Variants in SRP54 observed in about 807,000 individuals in gnomAD.
The protein encoded by SRP54 is signal recognition particle 54, also known as signal recognition particle subunit SRP54.
Under a neutral mutation model 64.8 loss-of-function variants are expected in SRP54, and 10 were observed. The ratio of observed to expected loss-of-function variants is 0.15; its 90% confidence interval spans 0.10 to 0.26. The LOEUF is 0.26. SRP54 is among the 10% of genes least tolerant of loss of function. The pLI is 1.00. For missense variants in SRP54, 325 were observed against 613.7 expected, an observed-to-expected ratio of 0.53 and a Z score of 4.97; for synonymous variants, 193 against 185.6, an observed-to-expected ratio of 1.04 and a Z score of -0.32.
chr14:35,028,076 T>C lies in SRP54; in HGVS notation c.1328-12T>C. ...CTACGCTGACTCAAAATCTTTTTTT[T>C]TTTCCCCTCAGGTGGCGACATGTCT... On this transcript the variant is annotated splice_polypyrimidine_tract_variant and intron_variant, in intron 14 of 15. Transcript: ENST00000216774. 1.3e-6 allele frequency: 2 copies of C among 1,597,660 alleles called. No homozygotes were observed. The highest frequency in any genetic ancestry group is 2.3e-5 in the South Asian group (2 of 88,696).
chr14:34,985,645 A>C (rs2043883678), intron 1 of SRP54, among the ~76,000 whole-genome samples: 1 of 152,178 alleles, frequency 6.6e-6, no homozygotes, highest in Non-Finnish European at 1.5e-5. Flanking sequence ...GGTATAGAAC[A>C]GATTTCTCAT....
intron 1 of SRP54, among the ~76,000 whole-genome samples, chr14:34,989,762 C>G (rs1025902070): frequency 6.6e-6 from 1 of 151,852 alleles, no homozygotes; most frequent in Non-Finnish European, 1.5e-5. Flanking sequence ...CCATATAATA[C>G]AGAGAGAGAT....
chr14:35,002,376 AT>A (rs562897847), intron 4 of SRP54, among the ~76,000 whole-genome samples: 10 of 151,794 alleles, frequency 6.6e-5, no homozygotes, highest in African/African-American at 1.4e-4. Flanking sequence ...AACAAAAAAA[AT>A]TTTTTAGAGC....
chr14:35,025,503 C>A (rs1275212188), intron 14 of SRP54, among the ~76,000 whole-genome samples: 1 of 152,126 alleles, frequency 6.6e-6, no homozygotes, highest in Non-Finnish European at 1.5e-5. Flanking sequence ...CCATGTAGTC[C>A]TGACTGTTCT....
chr14:35,026,970 C>A (rs77780729), intron 14 of SRP54, among the ~76,000 whole-genome samples: 22,062 of 151,274 alleles, frequency 0.15, 2,006 homozygotes, highest in East Asian at 0.31. Flanking sequence ...AAAAAAACTT[C>A]TTAGATACAT....
At position 35,023,071 on chromosome 14, in the gene SRP54, C is replaced by T; in HGVS notation, c.1318C>T (p.Leu440Phe). 1 of 1,601,578 alleles carries T rather than the reference C, an allele frequency of 6.2e-7. No homozygotes were observed. Among genetic ancestry groups the T allele is most frequent in the South Asian group, 1.1e-5 (1 of 89,176 alleles). ...MVKKMGGIKG[L>F]FKGGDMSKNV... ...AAAAAAGATGGGAGGTATCAAAGGA[C>T]TTTTCAAAGGTAAGAAAAATAAGCT... Residue 440 changes from leucine to phenylalanine, a missense_variant, in exon 14 of 16, where the codon CTT (leucine) becomes TTT (phenylalanine). Physicochemically the swap from Leu to Phe is conservative, Grantham distance 22. Transcript: ENST00000216774.
chr14:34,988,578 A>AAAAT (rs1384552218), intron 1 of SRP54, among the ~76,000 whole-genome samples: 3 of 47,100 alleles, frequency 6.4e-5, no homozygotes, highest in East Asian at 4.8e-4. Context: ...AAAAAAAAAA[A>AAAAT]ATATATATAT....
In SRP54 at chr14:35,003,507, T is replaced by C. The variant is rs148770065; in HGVS notation, c.255+2487T>C. ...TTCTCTCCTCAGCCTCCAGAGAAGCTAGGACTACAGGCATGCACCACCATG... is the reference window on the plus strand; with the variant it reads ...TTCTCTCCTCAGCCTCCAGAGAAGCCAGGACTACAGGCATGCACCACCATG... On this transcript the variant is annotated intron_variant, in intron 4 of 15. Transcript: ENST00000216774. 2.1e-4 allele frequency among the ~76,000 whole-genome samples: 32 copies of C among 152,160 alleles called. No homozygotes were observed. The East Asian group carries it at 6.0e-3, about 28-fold the overall frequency.
At chr14:35,000,822 T>G in intron 3 of SRP54, 114 bp from the exon 4 acceptor site, 1 of 478,642 alleles carries the variant, frequency 2.1e-6, no homozygotes, top group Non-Finnish European at 3.7e-6. Flanking sequence ...ATTGGAAGAC[T>G]ATTAATATGA....
intron 1 of SRP54, among the ~76,000 whole-genome samples, chr14:34,988,804 C>T (rs1251097882): frequency 1.3e-5 from 2 of 151,536 alleles, no homozygotes; most frequent in Non-Finnish European, 2.9e-5. Flanking sequence ...CTCTTGCTAT[C>T]TGGGGGGGAT....
chr14:34,986,004 G>A (rs1011326974), intron 1 of SRP54, among the ~76,000 whole-genome samples: 7 of 151,374 alleles, frequency 4.6e-5, no homozygotes, highest in South Asian at 4.2e-4. Flanking sequence ...TTTGATTTTC[G>A]TTTTAATTTT....
intron 1 of SRP54, 31 bp from the exon 2 acceptor site, chr14:34,996,646 T>G (rs1246379899): frequency 9.1e-7 from 1 of 1,096,016 alleles, no homozygotes; most frequent in Non-Finnish European, 1.4e-6. Flanking sequence ...GTGAAATTGA[T>G]TATTCTCACT....
In SRP54 at chr14:35,008,033, G is replaced by A. The variant is rs562461960; in HGVS notation, c.361-594G>A. ...TGATTTTTGGAGAAGAGAACATGGA[G>A]TTTACTTTATCCTCTATGGCTCAGG... On this transcript the variant is annotated intron_variant, in intron 5 of 15. Coordinates refer to ENST00000216774, the MANE Select transcript of SRP54 (RefSeq NM_003136.4). Among the ~76,000 whole-genome samples, 3 of 152,076 alleles carry A rather than the reference G, an allele frequency of 2.0e-5. No individual in the cohort carries two copies. In the South Asian group the frequency reaches 6.2e-4, roughly 32 times the overall value.
chr14:35,028,983 T>C, intron 15 of SRP54, 78 bp from the exon 16 acceptor site: 1 of 1,181,032 alleles, frequency 8.5e-7, no homozygotes, highest in South Asian at 1.3e-5. Context: ...AAGTACTTAT[T>C]AGGCAAAAGT....
chr14:35,003,200 T>A (rs1207888957), intron 4 of SRP54, among the ~76,000 whole-genome samples: 1 of 152,194 alleles, frequency 6.6e-6, no homozygotes, highest in Admixed American at 6.5e-5. Context: ...TATACTCAGA[T>A]GCTTATGGTC....
chr14:35,023,400 A>G (rs1187611239), intron 14 of SRP54, among the ~76,000 whole-genome samples: 1 of 152,030 alleles, frequency 6.6e-6, no homozygotes, highest in Non-Finnish European at 1.5e-5. Context: ...CAGAGAATCC[A>G]GTGGATCCTA....
Position 35,008,697 on chromosome 14 carries a change from A to T in SRP54, c.427+4A>T. On this transcript the variant is annotated splice_donor_region_variant and intron_variant, in intron 6 of 15. Coordinates refer to ENST00000216774, the MANE Select transcript of SRP54 (RefSeq NM_003136.4). The stretch of plus-strand genomic sequence containing the variant: ...TGTGCAGACACATTCAGAGCAGGTA[A>T]TGTCTTGAAATTTGAAAATTGTTTT... 2 of 1,606,698 alleles carry T rather than the reference A, an allele frequency of 1.2e-6. No individual in the cohort carries two copies. Among genetic ancestry groups the T allele is most frequent in the South Asian group, 1.1e-5 (1 of 89,218 alleles).
At chr14:35,015,581 C>T (rs1164054899) in intron 11 of SRP54, among the ~76,000 whole-genome samples, 1 of 152,026 alleles carries the variant, frequency 6.6e-6, no homozygotes, top group Non-Finnish European at 1.5e-5. Flanking sequence ...ATTACTTAGC[C>T]TCAATTTTGT....
intron 14 of SRP54, among the ~76,000 whole-genome samples, chr14:35,023,876 G>A (rs2044576823): frequency 6.6e-6 from 1 of 151,700 alleles, no homozygotes; most frequent in Non-Finnish European, 1.5e-5. Flanking sequence ...CTAATGTAGT[G>A]CCACTTTTTT....
Sources: allele counts gnomAD v4.1 joint callset (sites outside exome capture counted in the v4.1 genomes callset), GRCh38; gene constraint gnomAD v4.1.1; transcripts MANE v1.5; gene names NCBI Gene and HGNC (gene_info 2026-07-23, HGNC 2026-07-21).